NTM: variants seen among roughly 807,000 people sequenced by gnomAD.
The protein encoded by NTM is IgLON family member 2.
Under a neutral mutation model 42.1 loss-of-function variants are expected in NTM, and 13 were observed. The observed-to-expected ratio is 0.31, with a 90% CI of 0.20 to 0.49. The LOEUF (loss-of-function observed/expected upper bound fraction) is 0.49. NTM is among the 20% of genes least tolerant of loss of function. The pLI is 0.99. For missense variants in NTM, 373 were observed against 452.8 expected, an observed-to-expected ratio of 0.82 and a Z score of 1.60; for synonymous variants, 187 against 179.2, an observed-to-expected ratio of 1.04 and a Z score of -0.35.
At position 131,883,587 on chromosome 11, in the gene NTM, G is replaced by A. The variant is rs551366935; in HGVS notation, c.83-27977G>A. On this transcript the variant is annotated intron_variant, in intron 1 of 8. Coordinates refer to ENST00000683400, the MANE Select transcript of NTM (RefSeq NM_001352005.2). ...TAGAGAGGAGTGATTTTCTTTTTGC[G>A]ACACAACTAATTTGTGGCAGAATCA... Among the ~76,000 whole-genome samples, 8 of 152,270 alleles carry A rather than the reference G, an allele frequency of 5.3e-5. No individual in the cohort carries two copies. The South Asian group carries it at 6.2e-4, about 12-fold the overall frequency.
At chr11:131,744,782 T>C (rs1157803650) in intron 1 of NTM, among the ~76,000 whole-genome samples, 2 of 152,196 alleles carry the variant, frequency 1.3e-5, no homozygotes, top group Non-Finnish European at 2.9e-5. Flanking sequence ...TGGAACTAAC[T>C]GGACTCTCCT....
intron 4 of NTM, among the ~76,000 whole-genome samples, chr11:132,247,462 A>G (rs966555925): frequency 6.6e-6 from 1 of 152,204 alleles, no homozygotes; most frequent in Non-Finnish European, 1.5e-5. Context: ...GTGCTATAGA[A>G]AACTTAGATA....
intron 1 of NTM, among the ~76,000 whole-genome samples, chr11:131,545,071 C>G (rs940546496): frequency 1.3e-5 from 2 of 152,168 alleles, no homozygotes; most frequent in African/African-American, 4.8e-5. Context: ...CACTGCAATT[C>G]AGGTAATATT....
Position 131,528,679 on chromosome 11 carries a change from T to C in NTM, c.82+157791T>C, listed in dbSNP as rs1182655768. ...GAAATAATTGAGCTCATTCTTTTTA[T>C]CTACCGCCTCCCACAGATCCCAGTA... is the stretch of plus-strand genomic sequence containing the variant. On this transcript the variant is annotated intron_variant, in intron 1 of 8. Coordinates refer to ENST00000683400, the MANE Select transcript of NTM (RefSeq NM_001352005.2). 2.0e-5 allele frequency among the ~76,000 whole-genome samples: 3 copies of C among 152,216 alleles called. No individual in the cohort carries two copies. The East Asian group carries it at 5.8e-4, about 29-fold the overall frequency.
intron 1 of NTM, among the ~76,000 whole-genome samples, chr11:131,413,370 G>A (rs907435872): frequency 1.9e-4 from 29 of 152,146 alleles, no homozygotes; most frequent in African/African-American, 6.8e-4. Context: ...TTTCTGGAGC[G>A]CCAGCCCACC....
intron 1 of NTM, among the ~76,000 whole-genome samples, chr11:131,677,283 G>A (rs1367147344): frequency 6.6e-6 from 1 of 152,200 alleles, no homozygotes; most frequent in Non-Finnish European, 1.5e-5. Context: ...TCCCGTGGAG[G>A]TCCACTTCCT....
intron 2 of NTM, among the ~76,000 whole-genome samples, chr11:131,961,663 T>C (rs1164759910): frequency 1.3e-5 from 2 of 152,156 alleles, no homozygotes; most frequent in South Asian, 2.1e-4. Flanking sequence ...CAGATTACAC[T>C]GGAGCAGCAG....
intron 1 of NTM, among the ~76,000 whole-genome samples, chr11:131,777,480 G>C (rs1167979554): frequency 1.6e-5 from 2 of 121,998 alleles, no homozygotes; most frequent in Non-Finnish European, 3.1e-5. Flanking sequence ...AGTCTACCTG[G>C]AAGCATGCAG....
chr11:132,307,864 G>T (rs1443591563), intron 5 of NTM, 41 bp downstream of exon 5: 2 of 1,599,960 alleles, frequency 1.3e-6, no homozygotes, highest in East Asian at 2.2e-5. Flanking sequence ...CGTGCATCAG[G>T]CTGGCCTGTT....
chr11:131,826,372 G>T (rs900218320), intron 1 of NTM, among the ~76,000 whole-genome samples: 1 of 151,976 alleles, frequency 6.6e-6, no homozygotes, highest in Non-Finnish European at 1.5e-5. Context: ...AATGCCATGA[G>T]TCCCAGAAAA....
At chr11:131,408,290 C>G (rs1053636759) in intron 1 of NTM, among the ~76,000 whole-genome samples, 2 of 152,190 alleles carry the variant, frequency 1.3e-5, no homozygotes, top group African/African-American at 4.8e-5. Context: ...AAACCCCTAT[C>G]CTGCCTGTAA....
intron 1 of NTM, among the ~76,000 whole-genome samples, chr11:131,807,270 CT>C (rs1411992892): frequency 2.0e-5 from 3 of 152,168 alleles, no homozygotes; most frequent in African/African-American, 7.2e-5. Flanking sequence ...GGAATGGGAG[CT>C]TTTAAAGGTT....
chr11:131,889,790 A>C (rs10894473), intron 1 of NTM, among the ~76,000 whole-genome samples: 51,591 of 151,996 alleles, frequency 0.34, 9,890 homozygotes, highest in East Asian at 0.51. Context: ...ACAGGAACCC[A>C]AGAGGCATGG....
At chr11:132,321,792 C>A (rs1246373778) in intron 7 of NTM, among the ~76,000 whole-genome samples, 3 of 149,466 alleles carry the variant, frequency 2.0e-5, no homozygotes, top group Non-Finnish European at 4.4e-5. Flanking sequence ...GGTCGGGTTA[C>A]CCTCAAAGGG....
chr11:131,502,123 G>T (rs1424338735), intron 1 of NTM, among the ~76,000 whole-genome samples: 2 of 152,038 alleles, frequency 1.3e-5, no homozygotes, highest in Non-Finnish European at 2.9e-5. Flanking sequence ...TGCTGCTGAG[G>T]TCCCAATGTC....
chr11:132,266,338 G>T (rs892029477), intron 4 of NTM, among the ~76,000 whole-genome samples: 4 of 152,172 alleles, frequency 2.6e-5, no homozygotes, highest in Admixed American at 2.0e-4. Flanking sequence ...CATCTCTCTT[G>T]TTGCCAGTGT....
At chr11:131,405,298 C>A (rs1000328195) in intron 1 of NTM, among the ~76,000 whole-genome samples, 2 of 152,194 alleles carry the variant, frequency 1.3e-5, no homozygotes, top group Non-Finnish European at 2.9e-5. Flanking sequence ...CCATGAACTT[C>A]ATTGCATCCA....
Position 131,370,738 on chromosome 11 carries a change from T to C in NTM, c.-69T>C. Reference sequence around the variant, plus strand: ...GCACAAGCTTGAGAGCAACACAATCTATCAGGAAAGAAAGAAAGAAAAAAA... The same window carrying C: ...GCACAAGCTTGAGAGCAACACAATCCATCAGGAAAGAAAGAAAGAAAAAAA... On this transcript the variant is annotated 5_prime_UTR_variant, in exon 1 of 9. Transcript: ENST00000683400. The C allele has an allele frequency of 7.6e-7, 1 of 1,322,068 alleles. No homozygotes were observed. Among genetic ancestry groups the C allele is most frequent in the Non-Finnish European group, 1.1e-6 (1 of 932,952 alleles). The allele number at this position is 1,322,068 out of a possible 1,614,324, so 81.9% of individuals were successfully genotyped here. A position where few individuals can be genotyped will look rare whatever the true frequency, so the allele number is the denominator to read the frequency against.
At chr11:132,012,465 T>TCGC (rs896601301) in intron 2 of NTM, among the ~76,000 whole-genome samples, 4 of 152,172 alleles carry the variant, frequency 2.6e-5, no homozygotes, top group Non-Finnish European at 4.4e-5. Flanking sequence ...AATGAGGTTA[T>TCGC]CGCCACCCCT....
Sources: gnomAD v4.1 joint callset for allele counts (sites outside exome capture counted in the v4.1 genomes callset) on GRCh38, gnomAD v4.1.1 for gene constraint, MANE v1.5 for transcripts, NCBI Gene and HGNC (gene_info 2026-07-23, HGNC 2026-07-21) for gene names.